LAPTM5: variants seen among roughly 807,000 people sequenced by gnomAD.
LAPTM5 encodes lysosomal-associated transmembrane protein 5.
LAPTM5 carries 11 observed loss-of-function variants against 30.1 expected under a neutral mutation model. The observed-to-expected ratio is 0.37, with a 90% CI of 0.23 to 0.60. The LOEUF (loss-of-function observed/expected upper bound fraction) is 0.60, where lower values mean the gene tolerates loss of function less well. Among genes scored for constraint, LAPTM5 ranks in the 20% least tolerant of loss-of-function variants. The probability of loss-of-function intolerance (pLI) is 0.71; values close to 1 mark genes in which losing one functional copy is unlikely to be tolerated. For missense variants in LAPTM5, 324 were observed against 332.5 expected, an observed-to-expected ratio of 0.97 and a Z score of 0.20; for synonymous variants, 151 against 137.9, an observed-to-expected ratio of 1.10 and a Z score of -0.67.
Position 30,741,673 on chromosome 1 carries a change from G to T in LAPTM5, c.225C>A (p.Ile75=). Residue 75 remains isoleucine (I), a synonymous_variant, in exon 3 of 8, where the codon ATC becomes ATA. Transcript: ENST00000294507. ...CGCCGATCAGTAGGCTCAGGCTGAT[G>T]ATGAAGAGCATGGTGATGAGCAGGA... ...SSFLLITMLF[I]ISLSLLIGVV... 1 of 1,608,738 alleles carries T rather than the reference G, an allele frequency of 6.2e-7. No individual in the cohort carries two copies. Among genetic ancestry groups the T allele is most frequent in the Non-Finnish European group, 8.5e-7 (1 of 1,177,524 alleles).
At chr1:30,756,622 C>G (rs1209909498) in intron 1 of LAPTM5, among the ~76,000 whole-genome samples, 1 of 152,236 alleles carries the variant, frequency 6.6e-6, no homozygotes, top group Non-Finnish European at 1.5e-5. Flanking sequence ...AACCACTGAA[C>G]AGCATCGCCC....
In LAPTM5 at chr1:30,738,084, T is replaced by C. The variant is rs1382296105; in HGVS notation, c.511-385A>G. On this transcript the variant is annotated intron_variant, in intron 5 of 7. Coordinates refer to ENST00000294507, the MANE Select transcript of LAPTM5 (RefSeq NM_006762.3). ...TTACATTCCCTCCCCTAGGGGCAGCTTGAAACCAATGACTGATGCAGGGGA... is the reference window on the plus strand; with the variant it reads ...TTACATTCCCTCCCCTAGGGGCAGCCTGAAACCAATGACTGATGCAGGGGA... Among the ~76,000 whole-genome samples the C allele has an allele frequency of 2.0e-5, 3 of 152,178 alleles. No homozygotes were observed. The East Asian group carries it at 5.8e-4, about 29-fold the overall frequency.
chr1:30,757,693 C>A lies in LAPTM5; in HGVS notation c.53G>T (p.Arg18Leu). The A allele has an allele frequency of 6.2e-7, 1 of 1,613,760 alleles. No homozygotes were observed. Among genetic ancestry groups the A allele is most frequent in the Non-Finnish European group, 8.5e-7 (1 of 1,180,012 alleles). The change falls in exon 1 of 8, where the codon CGC (arginine) becomes CTC (leucine). Residue 18 changes from arginine to leucine, a missense_variant. By Grantham distance (102) the Arg-to-Leu change is moderately radical (BLOSUM62 -2). Coordinates refer to ENST00000294507, the MANE Select transcript of LAPTM5 (RefSeq NM_006762.3). ...VRQTCCCFNV[R>L]IATTALAIYH... ...GATGGCCAGGGCGGTGGTTGCGATG[C>A]GGACATTGAAGCAGCAGCAGGTCTG... is the stretch of plus-strand genomic sequence containing the variant.
At chr1:30,742,074 T>G (rs1639979400) in intron 2 of LAPTM5, 1 of 354,746 alleles carries the variant, frequency 2.8e-6, no homozygotes, top group South Asian at 3.1e-5. Flanking sequence ...AGGTGTGGGG[T>G]GGAGAATCGC....
rs896874676 is a variant in LAPTM5, at chr1:30,732,536, T to C, written c.*1292A>G. The C allele has an allele frequency of 5.3e-5, 8 of 151,438 alleles. No individual in the cohort carries two copies. The highest frequency in any genetic ancestry group is 1.7e-4 in the African/African-American group (7 of 41,070). 9.4% of individuals were successfully genotyped at this position (151,438 alleles called of 1,614,324 possible). A position where few individuals can be genotyped will look rare whatever the true frequency, so the allele number is the denominator to read the frequency against. ...ACAAAGCAATTACACAAGGGGGTAT[T>C]GCCAGGGAGCTCTTGCAGAGCCTTC... On this transcript the variant is annotated 3_prime_UTR_variant, in exon 8 of 8. Coordinates refer to ENST00000294507, the MANE Select transcript of LAPTM5 (RefSeq NM_006762.3).
At chr1:30,750,487 T>C (rs553345015) in intron 1 of LAPTM5, among the ~76,000 whole-genome samples, 73 of 152,320 alleles carry the variant, frequency 4.8e-4, no homozygotes, top group African/African-American at 1.7e-3. Flanking sequence ...CGACTGACCA[T>C]ACACTCTCTC....
chr1:30,742,375 C>A (rs1639982861), intron 2 of LAPTM5, 81 bp downstream of exon 2: 2 of 988,940 alleles, frequency 2.0e-6, no homozygotes, highest in Non-Finnish European at 3.1e-6. Flanking sequence ...GCAGTGCCTC[C>A]AACACTAGCC....
At chr1:30,748,670 C>A (rs1001395677) in intron 1 of LAPTM5, among the ~76,000 whole-genome samples, 18 of 152,244 alleles carry the variant, frequency 1.2e-4, no homozygotes, top group South Asian at 2.1e-4. Flanking sequence ...CCACCAGACG[C>A]CCCCATTCCT....
chr1:30,732,770 G>C lies in LAPTM5; in HGVS notation c.*1058C>G, dbSNP rs997083264. 1 of 152,216 alleles carries C rather than the reference G, an allele frequency of 6.6e-6. No individual in the cohort carries two copies. The highest frequency in any genetic ancestry group is 1.5e-5 in the Non-Finnish European group (1 of 68,070). The allele number at this position is 152,216 out of a possible 1,614,324, so 9.4% of individuals were successfully genotyped here. ...CCTGCTTTGACTGAACTAACCTGTG[G>C]GTTTAGTCCAACGAACAGATGTGCC... On this transcript the variant is annotated 3_prime_UTR_variant, in exon 8 of 8. Coordinates refer to ENST00000294507, the MANE Select transcript of LAPTM5 (RefSeq NM_006762.3).
intron 1 of LAPTM5, among the ~76,000 whole-genome samples, chr1:30,754,854 T>C (rs1239546890): frequency 1.3e-5 from 2 of 152,242 alleles, no homozygotes; most frequent in African/African-American, 4.8e-5. Context: ...TAGCTCATGA[T>C]GTGCAGAGTC....
intron 1 of LAPTM5, among the ~76,000 whole-genome samples, chr1:30,743,738 C>T (rs1477393754): frequency 1.3e-5 from 2 of 151,494 alleles, no homozygotes; most frequent in Admixed American, 6.6e-5. Flanking sequence ...GTAACTCATG[C>T]TCAGCTGACA....
At chr1:30,741,528 G>T in intron 3 of LAPTM5, 112 bp downstream of exon 3, 1 of 591,214 alleles carries the variant, frequency 1.7e-6, no homozygotes, top group South Asian at 2.6e-5. Context: ...GAACGCAGGT[G>T]GGACCGCCTA....
chr1:30,750,068 G>A (rs1640110465), intron 1 of LAPTM5, among the ~76,000 whole-genome samples: 1 of 152,196 alleles, frequency 6.6e-6, no homozygotes, highest in Admixed American at 6.5e-5. Context: ...GCTGTGACTG[G>A]GCGCTAGCAG....
chr1:30,745,600 G>A (rs1055199838), intron 1 of LAPTM5, among the ~76,000 whole-genome samples: 3 of 152,210 alleles, frequency 2.0e-5, no homozygotes, highest in Non-Finnish European at 4.4e-5. Flanking sequence ...GATGGCTCAC[G>A]AGACTCATAG....
intron 2 of LAPTM5, chr1:30,742,015 A>C: frequency 5.6e-6 from 2 of 357,846 alleles, no homozygotes; most frequent in Non-Finnish European, 1.0e-5. Context: ...GCAATGAGGA[A>C]TCGGCCTGAG....
chr1:30,739,554 G>A lies in LAPTM5; in HGVS notation c.387+255C>T, dbSNP rs968278231. Reference sequence around the variant, plus strand: ...AGCACTGACTGAGTGCTGACCATGGGCTGCACCCCCAATGTGTGTGTTCCT... The same window carrying A: ...AGCACTGACTGAGTGCTGACCATGGACTGCACCCCCAATGTGTGTGTTCCT... On this transcript the variant is annotated intron_variant, in intron 4 of 7. Coordinates refer to ENST00000294507, the MANE Select transcript of LAPTM5 (RefSeq NM_006762.3). This position sits in a 1 kb window ranked among gnomAD's most constrained non-coding sequence, Gnocchi z 4.2. 6.6e-6 allele frequency among the ~76,000 whole-genome samples: 1 copy of A among 152,178 alleles called. No homozygotes were observed. The highest frequency in any genetic ancestry group is 1.5e-5 in the Non-Finnish European group (1 of 68,036).
intron 1 of LAPTM5, among the ~76,000 whole-genome samples, chr1:30,754,726 A>G (rs2124202576): frequency 6.6e-6 from 1 of 152,332 alleles, no homozygotes; most frequent in East Asian, 1.9e-4. Context: ...CCCGAGCCCA[A>G]AGCTACGGAC....
At position 30,733,854 on chromosome 1, in the gene LAPTM5, C is replaced by G. The variant is rs1280318604; in HGVS notation, c.763G>C (p.Ala255Pro). The G allele has an allele frequency of 6.2e-7, 1 of 1,609,862 alleles. No homozygotes were observed. Among genetic ancestry groups the G allele is most frequent in the Non-Finnish European group, 8.5e-7 (1 of 1,179,028 alleles). ...LPSKTPEGGP[A>P]PPPYSEV ...CACACCTCTGAGTATGGGGGTGGTG[C>G]TGGGCCCCCCTCTGGGGTCTTCGAT... is the stretch of plus-strand genomic sequence containing the variant. The change falls in exon 8 of 8, where the codon GCA becomes CCA. Residue 255 changes from alanine to proline, a missense_variant. Coordinates refer to ENST00000294507, the MANE Select transcript of LAPTM5 (RefSeq NM_006762.3).
chr1:30,752,078 TAAAG>T (rs1640146037), intron 1 of LAPTM5, among the ~76,000 whole-genome samples: 1 of 152,022 alleles, frequency 6.6e-6, no homozygotes, highest in Non-Finnish European at 1.5e-5. Flanking sequence ...AACTGGACCA[TAAAG>T]AAGAAATGAA....
Sources: allele counts gnomAD v4.1 joint callset (sites outside exome capture counted in the v4.1 genomes callset), GRCh38; gene constraint gnomAD v4.1.1; non-coding constraint Gnocchi (gnomAD v3.1); transcripts MANE v1.5; gene names NCBI Gene and HGNC (gene_info 2026-07-23, HGNC 2026-07-21).